The following SPECC1L variants were observed in gnomAD, a reference collection of about 807,000 sequenced individuals.
The protein encoded by SPECC1L is cytospin-A.
A neutral mutation model predicts 116.8 loss-of-function variants in SPECC1L; 40 were observed. The observed-to-expected ratio is 0.34, with a 90% CI of 0.27 to 0.45. SPECC1L has a LOEUF of 0.45. SPECC1L is among the 20% of genes least tolerant of loss of function. SPECC1L has a pLI of 1.00. For synonymous variants in SPECC1L, 504 were observed against 500.6 expected (o/e 1.01, Z -0.09); for missense variants, 1,110 against 1,373.6 (o/e 0.81, Z 3.03).
At chr22:24,317,625 T>C (rs1271102104) in intron 4 of SPECC1L, among the ~76,000 whole-genome samples, 2 of 143,486 alleles carry the variant, frequency 1.4e-5, no homozygotes, top group African/African-American at 5.3e-5. Context: ...TCCCCCCACC[T>C]CCCTCCCGGA....
chr22:24,272,677 A>AC (rs2048752754), intron 1 of SPECC1L, among the ~76,000 whole-genome samples: 1 of 152,222 alleles, frequency 6.6e-6, no homozygotes, highest in East Asian at 1.9e-4. Flanking sequence ...AAAAAAAAAA[A>AC]AAAACAGCTA....
chr22:24,334,715 A>G (rs2041015785), intron 9 of SPECC1L, 142 bp downstream of exon 9: 1 of 907,888 alleles, frequency 1.1e-6, no homozygotes, highest in African/African-American at 1.6e-5. Context: ...TAGACTTAAC[A>G]GAAGGTGATA....
intron 9 of SPECC1L, among the ~76,000 whole-genome samples, chr22:24,335,719 G>A (rs2041040088): frequency 1.3e-5 from 2 of 152,190 alleles, no homozygotes; most frequent in African/African-American, 4.8e-5. Flanking sequence ...CACTGTTGGT[G>A]TAGACATTCT....
intron 14 of SPECC1L, among the ~76,000 whole-genome samples, chr22:24,393,234 A>G (rs2042304762): frequency 6.6e-6 from 1 of 152,228 alleles, no homozygotes; most frequent in African/African-American, 2.4e-5. Flanking sequence ...TACTTAAGTA[A>G]TTAGAGAAGC....
chr22:24,397,213 A>G (rs1278798783), intron 14 of SPECC1L, among the ~76,000 whole-genome samples: 1 of 152,160 alleles, frequency 6.6e-6, no homozygotes, highest in Non-Finnish European at 1.5e-5. Flanking sequence ...GTAGAAACGA[A>G]TACACCGACA....
At chr22:24,399,564 C>G (rs2042431507) in intron 14 of SPECC1L, among the ~76,000 whole-genome samples, 1 of 151,642 alleles carries the variant, frequency 6.6e-6, no homozygotes, top group African/African-American at 2.4e-5. Context: ...AAGCGAGACT[C>G]CATTTCAAAA....
intron 14 of SPECC1L, among the ~76,000 whole-genome samples, chr22:24,383,129 A>C (rs1036978747): frequency 1.3e-5 from 2 of 152,238 alleles, no homozygotes; most frequent in African/African-American, 4.8e-5. Context: ...CAAAAGAATT[A>C]TGTCCTACAA....
At chr22:24,362,451 T>C (rs575224537) in intron 11 of SPECC1L, among the ~76,000 whole-genome samples, 1 of 152,134 alleles carries the variant, frequency 6.6e-6, no homozygotes, top group Non-Finnish European at 1.5e-5. Context: ...AAAATGGAGA[T>C]GGTCGAAGCA....
chr22:24,360,676 TTTTGA>T (rs1453539411), intron 11 of SPECC1L, among the ~76,000 whole-genome samples: 1 of 152,206 alleles, frequency 6.6e-6, no homozygotes, highest in Non-Finnish European at 1.5e-5. Context: ...AAGCACCTTG[TTTTGA>T]TTTATTTGTC....
chr22:24,309,665 C>T (rs1254982929), intron 3 of SPECC1L, among the ~76,000 whole-genome samples: 1 of 152,146 alleles, frequency 6.6e-6, no homozygotes, highest in East Asian at 1.9e-4. Flanking sequence ...TCCCAAAGTG[C>T]TGGAATTACA....
At chr22:24,403,115 C>G (rs2042512537) in intron 14 of SPECC1L, among the ~76,000 whole-genome samples, 1 of 152,064 alleles carries the variant, frequency 6.6e-6, no homozygotes, top group African/African-American at 2.4e-5. Flanking sequence ...CCTGTCTGTC[C>G]CCTGTCACAT....
intron 14 of SPECC1L, among the ~76,000 whole-genome samples, chr22:24,408,943 C>T (rs1044758829): frequency 1.2e-4 from 19 of 152,252 alleles, no homozygotes; most frequent in East Asian, 1.9e-4. Flanking sequence ...CTCGCAGGGG[C>T]GGCCTGCCCA....
intron 3 of SPECC1L, among the ~76,000 whole-genome samples, chr22:24,303,955 A>G (rs2049438304): frequency 6.6e-6 from 1 of 151,712 alleles, no homozygotes; most frequent in South Asian, 2.1e-4. Flanking sequence ...AATTGCCTTC[A>G]CTTAAGAGAG....
At chr22:24,377,805 A>ATGCTGTCAACAGATG (rs1355019823) in intron 14 of SPECC1L, among the ~76,000 whole-genome samples, 5 of 152,238 alleles carry the variant, frequency 3.3e-5, no homozygotes, top group Non-Finnish European at 5.9e-5. Flanking sequence ...TTCGATAACT[A>ATGCTGTCAACAGATG]TGCTGTCAAC....
chr22:24,384,972 G>A (rs1055801109), intron 14 of SPECC1L, among the ~76,000 whole-genome samples: 22 of 151,398 alleles, frequency 1.5e-4, no homozygotes, highest in African/African-American at 4.9e-4. Context: ...GCTGAGGCAG[G>A]AGAATGGCTG....
chr22:24,382,912 A>G (rs1739590954), intron 14 of SPECC1L, among the ~76,000 whole-genome samples: 1 of 152,178 alleles, frequency 6.6e-6, no homozygotes, highest in Admixed American at 6.6e-5. Flanking sequence ...GAAAGAGGGT[A>G]GTAAACTCAA....
intron 4 of SPECC1L, among the ~76,000 whole-genome samples, chr22:24,317,905 C>T (rs556424306): frequency 1.1e-3 from 172 of 150,638 alleles, no homozygotes; most frequent in African/African-American, 4.0e-3. Flanking sequence ...CAGAGGCGCT[C>T]CCCACATCTC....
intron 14 of SPECC1L, among the ~76,000 whole-genome samples, chr22:24,411,200 C>CA (rs909065789): frequency 7.0e-4 from 95 of 134,932 alleles, no homozygotes; most frequent in Non-Finnish European, 1.2e-3. Context: ...ACAAACAAAC[C>CA]AAAAAAAACA....
chr22:24,382,938 T>C (rs914140318), intron 14 of SPECC1L, among the ~76,000 whole-genome samples: 4 of 152,110 alleles, frequency 2.6e-5, no homozygotes, highest in Non-Finnish European at 5.9e-5. Context: ...GACTTAGCTT[T>C]TGCTGTTAAG....
Sources: allele counts gnomAD v4.1 joint callset (sites outside exome capture counted in the v4.1 genomes callset), GRCh38; gene constraint gnomAD v4.1.1; transcripts MANE v1.5; gene names NCBI Gene and HGNC (gene_info 2026-07-23, HGNC 2026-07-21).